Variants in KIF20B observed in about 807,000 individuals in gnomAD.
The protein encoded by KIF20B is kinesin-like protein KIF20B.
KIF20B carries 188 observed loss-of-function variants against 232.5 expected under a neutral mutation model. The observed-to-expected ratio is 0.81, with a 90% CI of 0.72 to 0.91. The LOEUF is 0.91. Ranked by LOEUF, KIF20B falls within the 40% of genes least tolerant of loss-of-function variation. KIF20B has a pLI of 0.00. For synonymous variants in KIF20B, 712 were observed against 683.0 expected (o/e 1.04, Z -0.66); for missense variants, 2,154 against 2,055.9 (o/e 1.05, Z -0.92).
At chr10:89,740,921 C>G (rs1170839085) in intron 21 of KIF20B, among the ~76,000 whole-genome samples, 3 of 152,096 alleles carry the variant, frequency 2.0e-5, no homozygotes, top group Non-Finnish European at 4.4e-5. Context: ...CTTTTTGGTA[C>G]CAGTGATTGG....
At chr10:89,756,581 TAG>T (rs753228536) in intron 26 of KIF20B, among the ~76,000 whole-genome samples, 44 of 152,306 alleles carry the variant, frequency 2.9e-4, no homozygotes, top group Non-Finnish European at 5.1e-4. Flanking sequence ...GGAAAGGAAA[TAG>T]AACATAGTTC....
At chr10:89,726,143 A>G (rs2133109061) in intron 15 of KIF20B, 150 bp from the exon 16 acceptor site, 2 of 1,035,294 alleles carry the variant, frequency 1.9e-6, no homozygotes, top group Non-Finnish European at 2.6e-6. Flanking sequence ...CAGGTTTTTC[A>G]TAATTGGAGT....
At chr10:89,710,213 C>CTTT in intron 5 of KIF20B, 148 bp downstream of exon 5, 43 of 441,100 alleles carry the variant, frequency 9.7e-5, no homozygotes, top group Middle Eastern at 6.6e-4. Flanking sequence ...TTACGTATTG[C>CTTT]TGTTTTTTTT....
At chr10:89,734,441 A>T (rs2133121855) in intron 19 of KIF20B, among the ~76,000 whole-genome samples, 1 of 152,292 alleles carries the variant, frequency 6.6e-6, no homozygotes, top group South Asian at 2.1e-4. Flanking sequence ...GGGGGGTCAT[A>T]GTATTAAAAA....
Position 89,717,721 on chromosome 10 carries a change from A to G in KIF20B, c.1270A>G (p.Lys424Glu), listed in dbSNP as rs769265565. Residue 424 changes from lysine to glutamate, a missense_variant and splice_region_variant, in exon 11 of 33, where the codon AAG becomes GAG. By Grantham distance (56) the Lys-to-Glu change is moderately conservative. Coordinates refer to ENST00000371728, the MANE Select transcript of KIF20B (RefSeq NM_001284259.2). The stretch of plus-strand genomic sequence containing the variant: ...CGTCTTGAAGAATAGTGAAAAGTCA[A>G]AGTAAGTGTTTCTGAAAGTGTTATT... ...INVLKNSEKS[K>E]FQQHVPFRES... 6.3e-7 allele frequency: 1 copy of G among 1,582,918 alleles called. No individual in the cohort carries two copies. Among genetic ancestry groups the G allele is most frequent in the Non-Finnish European group, 8.6e-7 (1 of 1,166,070 alleles).
rs781468090 is a variant in KIF20B, at chr10:89,724,108, GTTAT to G, written c.1862+12_1862+15del. ...TCAACGGGAAGCTGACTTTAAGTAA[GTTAT>G]TTATTTCATGTCCAGGTAAAAATTG... On this transcript the variant is annotated splice_donor_region_variant and intron_variant, in intron 14 of 32. Transcript: ENST00000371728. 13 of 1,458,640 alleles carry G rather than the reference GTTAT, an allele frequency of 8.9e-6. No homozygotes were observed. The highest frequency in any genetic ancestry group is 1.2e-5 in the Non-Finnish European group (13 of 1,107,024). 90.4% of individuals were successfully genotyped at this position (1,458,640 alleles called of 1,614,324 possible). A position where few individuals can be genotyped will look rare whatever the true frequency, so the allele number is the denominator to read the frequency against.
rs552746927 is a variant in KIF20B at position 89,728,527 on chromosome 10, T to G, written c.2272-601T>G. Among the ~76,000 whole-genome samples, 9 of 151,462 alleles carry G rather than the reference T, an allele frequency of 5.9e-5. No individual in the cohort carries two copies. The South Asian group carries it at 1.9e-3, about 32-fold the overall frequency. Reference sequence around the variant, plus strand: ...TTTTTAGTTTTATTTATTTATTGTTTTTGAAATGGAGTCTCACTCTGTTGC... The same window carrying G: ...TTTTTAGTTTTATTTATTTATTGTTGTTGAAATGGAGTCTCACTCTGTTGC... On this transcript the variant is annotated intron_variant, in intron 17 of 32. Coordinates refer to ENST00000371728, the MANE Select transcript of KIF20B (RefSeq NM_001284259.2).
chr10:89,757,467 C>T (rs1842154012), intron 26 of KIF20B, among the ~76,000 whole-genome samples: 1 of 151,718 alleles, frequency 6.6e-6, no homozygotes, highest in African/African-American at 2.4e-5. Flanking sequence ...AGTAGGAGTT[C>T]TCATAAATTA....
chr10:89,729,741 TA>T (rs1296258481), intron 18 of KIF20B, among the ~76,000 whole-genome samples: 1 of 152,232 alleles, frequency 6.6e-6, no homozygotes, highest in African/African-American at 2.4e-5. Flanking sequence ...TGTAAAGACT[TA>T]AAGGGTTGTC....
chr10:89,727,930 G>T (rs1843225073), intron 17 of KIF20B, 34 bp downstream of exon 17: 6 of 1,509,336 alleles, frequency 4.0e-6, no homozygotes, highest in Admixed American at 2.1e-5. Flanking sequence ...TCTTGATAAG[G>T]TATTTAATTA....
At chr10:89,727,957 G>T in intron 17 of KIF20B, 61 bp downstream of exon 17, 5 of 1,382,404 alleles carry the variant, frequency 3.6e-6, no homozygotes, top group Non-Finnish European at 4.9e-6. Context: ...GGGTATGAAT[G>T]ATGACTAGAT....
rs1843027052 is a variant in KIF20B, at chr10:89,720,392, G to A, written c.1722+686G>A. Among the ~76,000 whole-genome samples, 5 of 152,144 alleles carry A rather than the reference G, an allele frequency of 3.3e-5. No individual in the cohort carries two copies. The South Asian group carries it at 1.0e-3, about 31-fold the overall frequency. ...TCACACCAAGAGCCACATGATGTCT[G>A]ATTTTTCCATTCTTAGAGATGCTAA... On this transcript the variant is annotated intron_variant, in intron 13 of 32. Coordinates refer to ENST00000371728, the MANE Select transcript of KIF20B (RefSeq NM_001284259.2).
chr10:89,720,686 T>C (rs933527727), intron 13 of KIF20B, among the ~76,000 whole-genome samples: 17 of 152,214 alleles, frequency 1.1e-4, no homozygotes, highest in Admixed American at 3.9e-4. Flanking sequence ...TTAGCTTCTG[T>C]CCAATTATAG....
chr10:89,737,345 T>A, intron 19 of KIF20B, 42 bp from the exon 20 acceptor site: 1 of 1,429,142 alleles, frequency 7.0e-7, no homozygotes, highest in Non-Finnish European at 9.2e-7. Context: ...TTTGGTTTTA[T>A]TAAGGTTTGC....
At chr10:89,750,617 C>T (rs76437489) in intron 23 of KIF20B, among the ~76,000 whole-genome samples, 4,563 of 152,082 alleles carry the variant, frequency 0.03, 369 homozygotes, top group East Asian at 0.27. Flanking sequence ...TAAGAGTTCT[C>T]TGAAATGAGC....
In KIF20B at chr10:89,758,898, T is replaced by C. The variant is rs751350676; in HGVS notation, c.4680+16T>C. ...TTCTAAAATAGTCAGTAGTCTTTTTTGCTATGCCTTTTTAATTGAACATAG... is the reference window on the plus strand; with the variant it reads ...TTCTAAAATAGTCAGTAGTCTTTTTCGCTATGCCTTTTTAATTGAACATAG... On this transcript the variant is annotated intron_variant, in intron 27 of 32. Transcript: ENST00000371728. 9.7e-6 allele frequency: 14 copies of C among 1,443,806 alleles called. No homozygotes were observed. The African/African-American group carries it at 1.2e-4, about 12-fold the overall frequency. The allele number at this position is 1,443,806 out of a possible 1,614,324, so 89.4% of individuals were successfully genotyped here. A position where few individuals can be genotyped will look rare whatever the true frequency, so the allele number is the denominator to read the frequency against.
chr10:89,741,557 A>T (rs549606183), intron 21 of KIF20B, among the ~76,000 whole-genome samples: 8 of 152,354 alleles, frequency 5.3e-5, no homozygotes, highest in African/African-American at 1.9e-4. Context: ...TGCTGAGTTG[A>T]CATATTATCT....
At chr10:89,721,170 C>A (rs964455005) in intron 13 of KIF20B, among the ~76,000 whole-genome samples, 2 of 152,144 alleles carry the variant, frequency 1.3e-5, no homozygotes, top group African/African-American at 4.8e-5. Flanking sequence ...ATAAGTAGAA[C>A]GATGATGTAT....
intron 30 of KIF20B, 54 bp downstream of exon 30, chr10:89,768,445 G>A (rs1451284906): frequency 1.9e-6 from 2 of 1,076,576 alleles, no homozygotes; most frequent in Non-Finnish European, 2.8e-6. Context: ...ATCCAGTTGT[G>A]TTCAATTATA....
Sources: gnomAD v4.1 joint callset for allele counts (sites outside exome capture counted in the v4.1 genomes callset) on GRCh38, gnomAD v4.1.1 for gene constraint, MANE v1.5 for transcripts, NCBI Gene and HGNC (gene_info 2026-07-23, HGNC 2026-07-21) for gene names.